Variants in NAALADL2 observed in about 807,000 individuals in gnomAD.
NAALADL2 encodes N-acetylated alpha-linked acidic dipeptidase like 2.
Under a neutral mutation model 87.2 loss-of-function variants are expected in NAALADL2, and 76 were observed. That is an observed-to-expected ratio of 0.87 (90% CI 0.72 to 1.05). NAALADL2 has a LOEUF of 1.05. Among genes scored for constraint, NAALADL2 ranks in the 50% least tolerant of loss-of-function variants. NAALADL2 has a pLI of 0.00. For synonymous variants in NAALADL2, 354 were observed against 331.0 expected (o/e 1.07, Z -0.75); for missense variants, 1,089 against 945.8 (o/e 1.15, Z -1.99).
chr3:174,876,443 A>G (rs966237560), intron 1 of NAALADL2, among the ~76,000 whole-genome samples: 5 of 152,152 alleles, frequency 3.3e-5, no homozygotes, highest in Non-Finnish European at 5.9e-5. Context: ...CATAAAATGA[A>G]CCAACAAAAT....
chr3:174,627,230 C>A (rs1721660899), intron 2 of NAALADL2, among the ~76,000 whole-genome samples: 2 of 152,012 alleles, frequency 1.3e-5, no homozygotes, highest in African/African-American at 4.8e-5. Flanking sequence ...AAATAATATT[C>A]TTGTAAAGAA....
intron 2 of NAALADL2, among the ~76,000 whole-genome samples, chr3:174,613,003 C>T (rs1177961123): frequency 2.0e-5 from 3 of 152,182 alleles, no homozygotes; most frequent in Non-Finnish European, 4.4e-5. Flanking sequence ...CATTAGGGGG[C>T]ACCTCAAGCC....
At chr3:175,355,666 G>T (rs1198089783) in intron 5 of NAALADL2, among the ~76,000 whole-genome samples, 1 of 152,060 alleles carries the variant, frequency 6.6e-6, no homozygotes, top group African/African-American at 2.4e-5. Flanking sequence ...CATCTGTAAG[G>T]TAATGATAAT....
chr3:174,649,241 G>A (rs1724115333), intron 2 of NAALADL2, among the ~76,000 whole-genome samples: 1 of 152,098 alleles, frequency 6.6e-6, no homozygotes, highest in African/African-American at 2.4e-5. Context: ...GGGATTACAG[G>A]CATGAGCCAC....
At chr3:175,547,880 T>C (rs1209828554) in intron 9 of NAALADL2, among the ~76,000 whole-genome samples, 6 of 152,086 alleles carry the variant, frequency 3.9e-5, no homozygotes, top group Non-Finnish European at 8.8e-5. Flanking sequence ...ATAATGGCTA[T>C]TATTAAAAAG....
At chr3:174,776,296 G>T (rs1197687222) in intron 3 of NAALADL2, among the ~76,000 whole-genome samples, 1 of 152,030 alleles carries the variant, frequency 6.6e-6, no homozygotes, top group African/African-American at 2.4e-5. Context: ...GAGTGACTTC[G>T]CAAAGTGTAT....
chr3:174,534,262 T>C (rs1342118755), intron 1 of NAALADL2, among the ~76,000 whole-genome samples: 2 of 152,146 alleles, frequency 1.3e-5, no homozygotes, highest in Admixed American at 1.3e-4. Flanking sequence ...TTTTACCAGA[T>C]GGTTTAATTC....
Position 174,529,933 on chromosome 3 carries a change from C to T in NAALADL2, c.-183-20636C>T, listed in dbSNP as rs531419098. On this transcript the variant is annotated intron_variant, in intron 1 of 3. Coordinates refer to the NAALADL2 transcript ENST00000434257. ...AAGGTCTGCTGCAAAGGTCTCTGAC[C>T]TGCCTTGGAGACATTTTCCCCATTG... Among the ~76,000 whole-genome samples, 13 of 152,264 alleles carry T rather than the reference C, an allele frequency of 8.5e-5. No homozygotes were observed. The East Asian group carries it at 2.1e-3, about 25-fold the overall frequency.
chr3:175,785,800 T>C (rs1259776765), intron 13 of NAALADL2, among the ~76,000 whole-genome samples: 13 of 150,820 alleles, frequency 8.6e-5, no homozygotes, highest in East Asian at 5.8e-4. Flanking sequence ...TTCCTAGTCT[T>C]GATGGTCTTT....
intron 1 of NAALADL2, among the ~76,000 whole-genome samples, chr3:175,056,244 C>A (rs1298322601): frequency 6.6e-6 from 1 of 152,132 alleles, no homozygotes; most frequent in African/African-American, 2.4e-5. Flanking sequence ...AGCTGGCAAA[C>A]AAACCTGCTC....
chr3:174,626,976 A>G (rs1721638107), intron 2 of NAALADL2, among the ~76,000 whole-genome samples: 2 of 152,146 alleles, frequency 1.3e-5, no homozygotes, highest in African/African-American at 4.8e-5. Flanking sequence ...TCATAAAACT[A>G]TTAACACCCA....
chr3:175,071,977 A>T (rs1430214868), intron 1 of NAALADL2, among the ~76,000 whole-genome samples: 1 of 151,860 alleles, frequency 6.6e-6, no homozygotes, highest in East Asian at 1.9e-4. Context: ...CTTTTCTAGG[A>T]TTGTTTCCAC....
intron 1 of NAALADL2, among the ~76,000 whole-genome samples, chr3:175,062,486 GTGTGT>G (rs1713710605): frequency 7.3e-6 from 1 of 137,208 alleles, no homozygotes; most frequent in Non-Finnish European, 1.5e-5. Context: ...CTGTGTGTGT[GTGTGT>G]GTGTGTGTGT....
At chr3:175,245,185 A>T (rs1299029151) in intron 3 of NAALADL2, among the ~76,000 whole-genome samples, 2 of 152,136 alleles carry the variant, frequency 1.3e-5, no homozygotes, top group African/African-American at 4.8e-5. Context: ...GCTAAAGGAA[A>T]GATGCTATGG....
intron 5 of NAALADL2, among the ~76,000 whole-genome samples, chr3:175,386,545 T>C (rs988987470): frequency 6.6e-6 from 1 of 152,062 alleles, no homozygotes; most frequent in Admixed American, 6.6e-5. Flanking sequence ...AGAGTTGATT[T>C]TGGGAATTGC....
intron 3 of NAALADL2, among the ~76,000 whole-genome samples, chr3:174,743,948 A>G (rs1734002525): frequency 6.6e-6 from 1 of 151,942 alleles, no homozygotes; most frequent in African/African-American, 2.4e-5. Flanking sequence ...GCAGTGTTGT[A>G]TACAAGGAGT....
At chr3:174,441,481 G>A (rs775155222) in intron 1 of NAALADL2, among the ~76,000 whole-genome samples, 3 of 152,138 alleles carry the variant, frequency 2.0e-5, no homozygotes, top group Admixed American at 6.5e-5. Context: ...GGTAAAGAGC[G>A]GCGCCGCGGG....
chr3:174,797,314 T>C (rs1227097685), intron 3 of NAALADL2, among the ~76,000 whole-genome samples: 24 of 127,066 alleles, frequency 1.9e-4, no homozygotes, highest in Admixed American at 1.4e-3. Flanking sequence ...TCTTTTTTTT[T>C]TTTTTTTTTT....
intron 2 of NAALADL2, among the ~76,000 whole-genome samples, chr3:174,607,807 C>G (rs1298189813): frequency 3.3e-5 from 5 of 152,010 alleles, no homozygotes; most frequent in African/African-American, 1.2e-4. Context: ...AGCTCTTCAC[C>G]AAGTGGACCT....
Sources: gnomAD v4.1 joint callset for allele counts (sites outside exome capture counted in the v4.1 genomes callset) on GRCh38, gnomAD v4.1.1 for gene constraint, MANE v1.5 for transcripts, NCBI Gene and HGNC (gene_info 2026-07-23, HGNC 2026-07-21) for gene names.